The following PID1 variants were observed in gnomAD, a reference collection of about 807,000 sequenced individuals.
PID1 encodes the protein PTB-containing, cubilin and LRP1-interacting protein.
A neutral mutation model predicts 19.1 loss-of-function variants in PID1; 10 were observed. The observed-to-expected ratio is 0.52, with a 90% CI of 0.32 to 0.89. The LOEUF is 0.89. PID1 is among the 40% of genes least tolerant of loss of function. The pLI is 0.03. For missense variants in PID1, 248 were observed against 285.3 expected, an observed-to-expected ratio of 0.87 and a Z score of 0.94; for synonymous variants, 130 against 116.0, an observed-to-expected ratio of 1.12 and a Z score of -0.78.
chr2:229,096,941 CAT>C (rs1240279813), intron 2 of PID1, among the ~76,000 whole-genome samples: 2 of 152,098 alleles, frequency 1.3e-5, no homozygotes, highest in African/African-American at 2.4e-5. Flanking sequence ...AAAGCGGGAA[CAT>C]ACAAAACACA....
Position 229,163,501 on chromosome 2 carries a change from A to ATT in PID1, c.31-7539_31-7538dup, listed in dbSNP as rs5839310. Among the ~76,000 whole-genome samples, 403 of 149,392 alleles carry ATT rather than the reference A, an allele frequency of 2.7e-3. 3 individuals carry two copies. The highest frequency in any genetic ancestry group is 6.3e-3 in the East Asian group (32 of 5,066). On this transcript the variant is annotated intron_variant, in intron 1 of 2. Transcript: ENST00000392055. ...TTCATGCAGCTTTGATCATGGAAGCATTTTTTTTTTTACCTTCCCAGAGTC... is the reference window on the plus strand; with the variant it reads ...TTCATGCAGCTTTGATCATGGAAGCATTTTTTTTTTTTTACCTTCCCAGAGTC...
intron 1 of PID1, among the ~76,000 whole-genome samples, chr2:229,244,695 C>A (rs567540496): frequency 6.6e-6 from 1 of 152,124 alleles, no homozygotes; most frequent in Non-Finnish European, 1.5e-5. Context: ...TCTATTGCCA[C>A]AATCCTCACA....
chr2:229,037,198 A>G (rs1693682650), intron 2 of PID1, among the ~76,000 whole-genome samples: 2 of 152,194 alleles, frequency 1.3e-5, no homozygotes, highest in Non-Finnish European at 2.9e-5. Flanking sequence ...TGCACAGATT[A>G]TGTCGATATA....
At chr2:229,050,510 C>A (rs1257522311) in intron 2 of PID1, among the ~76,000 whole-genome samples, 1 of 152,194 alleles carries the variant, frequency 6.6e-6, no homozygotes, top group East Asian at 1.9e-4. Context: ...CCTAAAAAGT[C>A]TTTCTTCCCA....
chr2:229,268,936 C>G (rs74001805), intron 1 of PID1, among the ~76,000 whole-genome samples: 6,298 of 151,898 alleles, frequency 0.041, 439 homozygotes, highest in African/African-American at 0.14. Context: ...CTCAACAGCT[C>G]TCTCAGAGGC....
intron 2 of PID1, among the ~76,000 whole-genome samples, chr2:229,029,334 C>T (rs1430314800): frequency 8.3e-6 from 1 of 120,136 alleles, no homozygotes; most frequent in African/African-American, 3.1e-5. Flanking sequence ...AAAAAAAAAA[C>T]ATGAAAACAT....
At chr2:229,228,058 G>C in intron 1 of PID1, 2 of 455,888 alleles carry the variant, frequency 4.4e-6, no homozygotes, top group South Asian at 3.1e-5. Context: ...AGTTGCAGCA[G>C]CCATCCTGCA....
intron 2 of PID1, among the ~76,000 whole-genome samples, chr2:229,082,393 C>T (rs953403129): frequency 2.6e-5 from 4 of 152,202 alleles, no homozygotes; most frequent in African/African-American, 9.6e-5. Flanking sequence ...TGGTGTTACT[C>T]CAGTGATTAT....
At chr2:229,179,653 C>A (rs576356301) in intron 1 of PID1, among the ~76,000 whole-genome samples, 1 of 152,202 alleles carries the variant, frequency 6.6e-6, no homozygotes, top group Non-Finnish European at 1.5e-5. Context: ...TAATAAAACC[C>A]AATCATGCAA....
chr2:229,030,726 T>C (rs2106164698), intron 2 of PID1, among the ~76,000 whole-genome samples: 1 of 152,256 alleles, frequency 6.6e-6, no homozygotes, highest in East Asian at 1.9e-4. Context: ...TAGCAAAATT[T>C]TGGTAACTAA....
intron 2 of PID1, among the ~76,000 whole-genome samples, chr2:229,124,191 C>T (rs1235970006): frequency 6.6e-6 from 1 of 152,076 alleles, no homozygotes; most frequent in Non-Finnish European, 1.5e-5. Context: ...TTCTTTTTGA[C>T]CTAACAAGGA....
chr2:229,136,384 G>A (rs1689857839), intron 2 of PID1, among the ~76,000 whole-genome samples: 1 of 151,884 alleles, frequency 6.6e-6, no homozygotes, highest in Non-Finnish European at 1.5e-5. Context: ...TCAGATTACT[G>A]AACCACAGAA....
chr2:229,239,046 TTTG>T (rs1300364826), intron 1 of PID1, among the ~76,000 whole-genome samples: 5 of 152,234 alleles, frequency 3.3e-5, no homozygotes, highest in East Asian at 1.9e-4. Context: ...CTGCTTTACC[TTTG>T]TTGTCAAATA....
At chr2:229,206,101 CT>C (rs1198949536) in intron 1 of PID1, among the ~76,000 whole-genome samples, 2 of 152,074 alleles carry the variant, frequency 1.3e-5, no homozygotes, top group East Asian at 3.9e-4. Flanking sequence ...ATTTTTCTTA[CT>C]CAGACCAAAA....
chr2:229,038,437 G>C (rs983687133), intron 2 of PID1, among the ~76,000 whole-genome samples: 5 of 152,030 alleles, frequency 3.3e-5, no homozygotes, highest in African/African-American at 1.2e-4. Flanking sequence ...TCCTCCAAAG[G>C]TTACATACTA....
intron 2 of PID1, among the ~76,000 whole-genome samples, chr2:229,152,875 C>T (rs1690286319): frequency 6.6e-6 from 1 of 152,112 alleles, no homozygotes; most frequent in Non-Finnish European, 1.5e-5. Flanking sequence ...TTTCCCTCCC[C>T]AAACCCAAAG....
intron 2 of PID1, among the ~76,000 whole-genome samples, chr2:229,147,056 CA>C (rs1465357334): frequency 1.3e-5 from 2 of 152,202 alleles, no homozygotes; most frequent in African/African-American, 4.8e-5. Context: ...AAGGAGCCTT[CA>C]GCAAACCAGT....
chr2:229,098,134 T>C (rs1695006805), intron 2 of PID1, among the ~76,000 whole-genome samples: 1 of 152,204 alleles, frequency 6.6e-6, no homozygotes, highest in Non-Finnish European at 1.5e-5. Context: ...TTATCAGTCT[T>C]AGAGGACAAC....
intron 2 of PID1, among the ~76,000 whole-genome samples, chr2:229,029,335 A>T (rs28368744): frequency 6.8e-6 from 1 of 146,146 alleles, no homozygotes; most frequent in African/African-American, 2.5e-5. Context: ...AAAAAAAAAC[A>T]TGAAAACATG....
Sources: gnomAD v4.1 joint callset for allele counts (sites outside exome capture counted in the v4.1 genomes callset) on GRCh38, gnomAD v4.1.1 for gene constraint, MANE v1.5 for transcripts, NCBI Gene and HGNC (gene_info 2026-07-23, HGNC 2026-07-21) for gene names.